Variants in CSMD1 observed in about 807,000 individuals in gnomAD.
CSMD1 encodes CUB and sushi domain-containing protein 1.
A neutral mutation model predicts 417.5 loss-of-function variants in CSMD1; 213 were observed. The ratio of observed to expected loss-of-function variants is 0.51; its 90% CI spans 0.46 to 0.57. The LOEUF (loss-of-function observed/expected upper bound fraction) is 0.57, where lower values mean the gene tolerates loss of function less well. Ranked by LOEUF, CSMD1 falls within the 20% of genes least tolerant of loss-of-function variation. The pLI is 0.00. For synonymous variants in CSMD1, 2,862 were observed against 1,736.8 expected, an observed-to-expected ratio of 1.65 and a Z score of -16.11; for missense variants, 6,923 against 4,529.7, an observed-to-expected ratio of 1.53 and a Z score of -15.17.
chr8:3,560,081 G>C (rs1284459136), intron 10 of CSMD1, among the ~76,000 whole-genome samples: 3 of 152,100 alleles, frequency 2.0e-5, no homozygotes, highest in East Asian at 1.9e-4. Context: ...CTGTTCACTA[G>C]AAAAGACACC....
At chr8:3,217,708 T>C (rs1288674572) in intron 29 of CSMD1, among the ~76,000 whole-genome samples, 1 of 152,208 alleles carries the variant, frequency 6.6e-6, no homozygotes, top group East Asian at 1.9e-4. Context: ...GATTGCTAAA[T>C]TGTATAATTT....
At chr8:3,498,956 A>T (rs915775044) in intron 10 of CSMD1, among the ~76,000 whole-genome samples, 1 of 152,116 alleles carries the variant, frequency 6.6e-6, no homozygotes, top group Non-Finnish European at 1.5e-5. Flanking sequence ...TATCTTTAAC[A>T]TCATTATTTT....
chr8:4,412,098 C>CGT (rs1563145935), intron 3 of CSMD1, among the ~76,000 whole-genome samples: 1 of 149,084 alleles, frequency 6.7e-6, no homozygotes, highest in African/African-American at 2.5e-5. Context: ...AGAGTGCGTG[C>CGT]GTGTGTGTGC....
At chr8:3,508,210 A>T (rs1796913289) in intron 10 of CSMD1, among the ~76,000 whole-genome samples, 1 of 152,106 alleles carries the variant, frequency 6.6e-6, no homozygotes, top group Admixed American at 6.5e-5. Context: ...GTCTAGAAAT[A>T]GCAGGTAGTA....
At chr8:4,359,752 T>G (rs1003252248) in intron 3 of CSMD1, among the ~76,000 whole-genome samples, 1 of 152,194 alleles carries the variant, frequency 6.6e-6, no homozygotes, top group African/African-American at 2.4e-5. Flanking sequence ...CTACATTCAT[T>G]CCAAGGGTCC....
rs149389746 is a variant in CSMD1 at position 3,601,137 on chromosome 8, C to T, written c.1098-14877G>A. Among the ~76,000 whole-genome samples the T allele has an allele frequency of 3.8e-3, 585 of 152,208 alleles. 2 individuals carry two copies. Among genetic ancestry groups the T allele is most frequent in the Non-Finnish European group, 6.2e-3 (423 of 68,012 alleles). ...TATATCACTGCTAGATGTAGGTTTG[C>T]CTCTGGCTTCTGAGATCTACCAGTG... On this transcript the variant is annotated intron_variant, in intron 8 of 69. Transcript: ENST00000635120.
chr8:4,118,189 C>A (rs73658584), intron 3 of CSMD1, among the ~76,000 whole-genome samples: 2 of 151,870 alleles, frequency 1.3e-5, no homozygotes, highest in East Asian at 3.9e-4. Flanking sequence ...TTTATGCTGG[C>A]AAATAGCTAT....
intron 5 of CSMD1, among the ~76,000 whole-genome samples, chr8:3,874,819 G>C (rs1315202038): frequency 6.6e-6 from 1 of 152,120 alleles, no homozygotes; most frequent in African/African-American, 2.4e-5. Flanking sequence ...ACACACCAAA[G>C]ACGGGGTCAA....
chr8:4,433,781 T>C (rs747884707), intron 2 of CSMD1, among the ~76,000 whole-genome samples: 7 of 152,270 alleles, frequency 4.6e-5, no homozygotes, highest in Non-Finnish European at 7.3e-5. Flanking sequence ...AGTTTAAAAT[T>C]TGTGTCTATT....
At chr8:4,217,399 C>T (rs543583621) in intron 3 of CSMD1, among the ~76,000 whole-genome samples, 1 of 152,018 alleles carries the variant, frequency 6.6e-6, no homozygotes, top group Non-Finnish European at 1.5e-5. Flanking sequence ...AAATATAACT[C>T]TAATATAGTT....
chr8:4,024,406 G>C (rs1366940987), intron 4 of CSMD1, among the ~76,000 whole-genome samples: 1 of 152,120 alleles, frequency 6.6e-6, no homozygotes, highest in Non-Finnish European at 1.5e-5. Flanking sequence ...ACTTTCATGG[G>C]AAAACTTTAT....
intron 5 of CSMD1, among the ~76,000 whole-genome samples, chr8:3,996,607 TAAAC>T (rs1815242713): frequency 6.6e-6 from 1 of 152,188 alleles, no homozygotes; most frequent in African/African-American, 2.4e-5. Flanking sequence ...GGTAATAATT[TAAAC>T]AAATTCCTGA....
intron 3 of CSMD1, among the ~76,000 whole-genome samples, chr8:4,107,795 C>A (rs138112666): frequency 2.0e-5 from 3 of 152,212 alleles, no homozygotes; most frequent in Admixed American, 2.0e-4. Flanking sequence ...CTGTTAATAA[C>A]TGACAGGCAA....
chr8:3,209,276 T>G (rs562667679), intron 30 of CSMD1, among the ~76,000 whole-genome samples: 69 of 117,020 alleles, frequency 5.9e-4, no homozygotes, highest in African/African-American at 2.1e-3. Context: ...AGAATTTTTA[T>G]TTATTTGTTT....
chr8:4,344,566 A>G (rs1800674132), intron 3 of CSMD1, among the ~76,000 whole-genome samples: 1 of 150,892 alleles, frequency 6.6e-6, no homozygotes, highest in Non-Finnish European at 1.5e-5. Context: ...AAATATATAC[A>G]TATATAAGTA....
chr8:3,153,724 C>T (rs538733375), intron 39 of CSMD1, among the ~76,000 whole-genome samples: 1 of 152,310 alleles, frequency 6.6e-6, no homozygotes, highest in East Asian at 1.9e-4. Context: ...TCAGCGTAGA[C>T]AGCATCATCA....
intron 3 of CSMD1, among the ~76,000 whole-genome samples, chr8:4,339,301 C>T (rs1332088157): frequency 1.3e-5 from 2 of 152,110 alleles, no homozygotes; most frequent in Non-Finnish European, 2.9e-5. Context: ...CCTTTCAGTT[C>T]TTACCATTTT....
At chr8:3,167,271 A>C (rs1456956159) in intron 37 of CSMD1, among the ~76,000 whole-genome samples, 2 of 150,224 alleles carry the variant, frequency 1.3e-5, no homozygotes, top group African/African-American at 4.9e-5. Context: ...GTGACAGAGC[A>C]AGACTCCAAC....
intron 4 of CSMD1, among the ~76,000 whole-genome samples, chr8:4,026,020 A>AT (rs1263718333): frequency 1.3e-5 from 2 of 151,942 alleles, no homozygotes; most frequent in Non-Finnish European, 2.9e-5. Context: ...ATAAAAAAAA[A>AT]AAAAACTCTT....
Sources: allele counts gnomAD v4.1 joint callset (sites outside exome capture counted in the v4.1 genomes callset), GRCh38; gene constraint gnomAD v4.1.1; transcripts MANE v1.5; gene names NCBI Gene and HGNC (gene_info 2026-07-23, HGNC 2026-07-21).